The following RNF168 variants were observed in gnomAD, a reference collection of about 807,000 sequenced individuals.
RNF168 encodes ring finger protein 168.
RNF168 carries 34 observed loss-of-function variants against 34.9 expected under a neutral mutation model. That is an observed-to-expected ratio of 0.97 (90% CI 0.74 to 1.30). The LOEUF (loss-of-function observed/expected upper bound fraction) is 1.30, where lower values mean the gene tolerates loss of function less well. RNF168 is among the 50% of genes most tolerant of loss of function. The pLI is 0.00. For missense variants in RNF168, 725 were observed against 682.5 expected (o/e 1.06, Z -0.69); for synonymous variants, 264 against 254.7 (o/e 1.04, Z -0.35).
In RNF168 at chr3:196,487,505, G is replaced by A. The variant is rs1732485787; in HGVS notation, c.452C>T (p.Ala151Val). The change falls in exon 3 of 6, where the codon GCA becomes GTA. Residue 151 changes from alanine (A) to valine (V), a missense_variant. Physicochemically the swap from Ala to Val is moderately conservative, Grantham distance 64. Transcript: ENST00000318037. ...TCTTTTTTCCTCTTCTTCCTCCTCTGCCAACAACCTCTGTATGTATTCTTC... is the reference window on the plus strand; with the variant it reads ...TCTTTTTTCCTCTTCTTCCTCCTCTACCAACAACCTCTGTATGTATTCTTC... ...ASEEYIQRLL[A>V]EEEEEEKRQA... The A allele has an allele frequency of 6.2e-7, 1 of 1,613,592 alleles. No individual in the cohort carries two copies. Among genetic ancestry groups the A allele is most frequent in the Non-Finnish European group, 8.5e-7 (1 of 1,179,872 alleles).
At chr3:196,472,844 C>G in intron 5 of RNF168, 72 bp from the exon 6 acceptor site, 3 of 839,800 alleles carry the variant, frequency 3.6e-6, no homozygotes, top group Non-Finnish European at 6.2e-6. Context: ...TCTAATTACA[C>G]TGATACTACA....
chr3:196,471,821 A>G lies in RNF168; in HGVS notation c.1714T>C (p.Ter572GlnextTer40). Residue 572 changes from the stop codon to glutamine (Q), a stop_lost, in exon 6 of 6, where the codon TAA (stop) becomes CAA (glutamine). Transcript: ENST00000318037. ...VFQMFQRCTK* is the reference protein window; with the variant it reads ...VFQMFQRCTKQ ...CAAAGCACTCCCTTTACCAGGCCTT[A>G]CTTTGTGCATCTCTGAAACATCTGA... is the stretch of plus-strand genomic sequence containing the variant. 1 of 1,599,740 alleles carries G rather than the reference A, an allele frequency of 6.3e-7. No individual in the cohort carries two copies. The highest frequency in any genetic ancestry group is 8.6e-7 in the Non-Finnish European group (1 of 1,166,864).
rs376320330 is a variant in RNF168 at position 196,493,855 on chromosome 3, A to ATTT, written c.302-5175_302-5173dup. The stretch of plus-strand genomic sequence containing the variant: ...GCTATTTCTTTCTTTTTTTAAATTT[A>ATTT]TTTTTTTTTTTTTTTGAGACAGAGT... On this transcript the variant is annotated intron_variant, in intron 1 of 5. Transcript: ENST00000318037. Among the ~76,000 whole-genome samples, 73 of 128,196 alleles carry ATTT rather than the reference A, an allele frequency of 5.7e-4. 1 individual carries two copies. The highest frequency in any genetic ancestry group is 2.2e-3 in the African/African-American group (68 of 30,462). The allele number at this position is 128,196 out of a possible 152,430, so 84.1% of individuals were successfully genotyped here. A position where few individuals can be genotyped will look rare whatever the true frequency, so the allele number is the denominator to read the frequency against.
intron 1 of RNF168, among the ~76,000 whole-genome samples, chr3:196,495,332 C>T (rs1219089379): frequency 6.6e-6 from 1 of 152,118 alleles, no homozygotes; most frequent in Non-Finnish European, 1.5e-5. Flanking sequence ...TGATATATTA[C>T]CCATCATATC....
At chr3:196,493,688 G>C (rs1041419990) in intron 1 of RNF168, among the ~76,000 whole-genome samples, 4 of 151,978 alleles carry the variant, frequency 2.6e-5, no homozygotes, top group African/African-American at 9.7e-5. Context: ...ACCACGCCCA[G>C]CTAATTTTTT....
intron 1 of RNF168, among the ~76,000 whole-genome samples, chr3:196,502,185 T>G (rs1026032570): frequency 1.3e-5 from 2 of 151,406 alleles, no homozygotes; most frequent in African/African-American, 2.4e-5. Context: ...AGGGTTCAGT[T>G]TGGGGCTCCT....
intron 4 of RNF168, among the ~76,000 whole-genome samples, chr3:196,479,698 C>T (rs548683276): frequency 6.6e-6 from 1 of 151,926 alleles, no homozygotes; most frequent in East Asian, 1.9e-4. Context: ...TCAAGCAATT[C>T]TCCTGGCTCA....
rs1732352086 is a variant in RNF168, at chr3:196,483,795, G to A, written c.655C>T (p.Gln219Ter). The change falls in exon 4 of 6, where the codon CAA becomes TAA. Residue 219 changes from glutamine (Q) to a stop codon, truncating the protein, a stop_gained. Coordinates refer to ENST00000318037, the MANE Select transcript of RNF168 (RefSeq NM_152617.4). LOFTEE classifies it high-confidence loss of function. ...PKSEKKSKNK[Q>*]RNTGDIQKYL... ...TTCTGAATATCTCCAGTGTTTCTTT[G>A]TTTGTTCTTACTTTTCTTTTCAGAC... 1 of 1,611,472 alleles carries A rather than the reference G, an allele frequency of 6.2e-7. No individual in the cohort carries two copies. Among genetic ancestry groups the A allele is most frequent in the East Asian group, 2.2e-5 (1 of 44,840 alleles).
At chr3:196,475,008 A>T (rs1732108452) in intron 5 of RNF168, 8 of 513,774 alleles carry the variant, frequency 1.6e-5, no homozygotes, top group African/African-American at 5.8e-5. Context: ...GAAAATATTC[A>T]CTCTCTTAGA....
chr3:196,474,948 C>A (rs1466323763), intron 5 of RNF168: 1 of 412,788 alleles, frequency 2.4e-6, no homozygotes, highest in Non-Finnish European at 4.5e-6. Flanking sequence ...TTTCACACTA[C>A]ACCAGCGTAG....
intron 4 of RNF168, among the ~76,000 whole-genome samples, chr3:196,481,195 G>C (rs1222228572): frequency 1.3e-5 from 2 of 151,860 alleles, no homozygotes; most frequent in Non-Finnish European, 2.9e-5. Context: ...TCCTTTTATT[G>C]TGTTACTGTG....
intron 4 of RNF168, among the ~76,000 whole-genome samples, chr3:196,482,755 G>A (rs145238961): frequency 5.9e-5 from 9 of 152,226 alleles, no homozygotes; most frequent in African/African-American, 2.2e-4. Flanking sequence ...TGGGAAAAAT[G>A]TCTACTCAAG....
At chr3:196,500,618 G>A (rs975801750) in intron 1 of RNF168, among the ~76,000 whole-genome samples, 27 of 152,156 alleles carry the variant, frequency 1.8e-4, no homozygotes, top group African/African-American at 6.3e-4. Context: ...CGATGCCACT[G>A]AACCATACAA....
At position 196,483,797 on chromosome 3, in the gene RNF168, T is replaced by C. The variant is rs1266975707; in HGVS notation, c.653A>G (p.Lys218Arg). The change falls in exon 4 of 6, where the codon AAA becomes AGA. Residue 218 changes from lysine (K) to arginine (R), a missense_variant. By Grantham distance (26) the Lys-to-Arg change is conservative. Coordinates refer to ENST00000318037, the MANE Select transcript of RNF168 (RefSeq NM_152617.4). ...CTGAATATCTCCAGTGTTTCTTTGT[T>C]TGTTCTTACTTTTCTTTTCAGACTT... The part of the protein sequence containing the change: ...TPKSEKKSKN[K>R]QRNTGDIQKY... 6.2e-7 allele frequency: 1 copy of C among 1,612,082 alleles called. No homozygotes were observed. Among genetic ancestry groups the C allele is most frequent in the Admixed American group, 1.7e-5 (1 of 60,028 alleles).
intron 5 of RNF168, among the ~76,000 whole-genome samples, chr3:196,473,009 C>T (rs1732052426): frequency 6.6e-6 from 1 of 152,022 alleles, no homozygotes; most frequent in Admixed American, 6.6e-5. Flanking sequence ...TCAAGTGATT[C>T]TCCTGCCTCA....
chr3:196,475,870 T>C (rs1732136040), intron 4 of RNF168, among the ~76,000 whole-genome samples: 1 of 144,542 alleles, frequency 6.9e-6, no homozygotes, highest in African/African-American at 2.6e-5. Flanking sequence ...TTTTCTTTTC[T>C]TTTTTTTGAG....
chr3:196,499,888 T>G (rs1212047863), intron 1 of RNF168, among the ~76,000 whole-genome samples: 3 of 152,118 alleles, frequency 2.0e-5, no homozygotes, highest in Admixed American at 6.5e-5. Flanking sequence ...AAATGGCCAA[T>G]AAATGCATGC....
At chr3:196,475,397 T>C (rs1471225517) in intron 4 of RNF168, 85 bp from the exon 5 acceptor site, 4 of 802,826 alleles carry the variant, frequency 5.0e-6, no homozygotes, top group East Asian at 2.6e-5. Flanking sequence ...ATACCGAAGG[T>C]TGTCTGGTTT....
In RNF168 at chr3:196,471,708, A is replaced by G. The variant is rs1047557729; in HGVS notation, c.*111T>C. 1.3e-6 allele frequency: 1 copy of G among 781,834 alleles called. No individual in the cohort carries two copies. The highest frequency in any genetic ancestry group is 1.7e-5 in the African/African-American group (1 of 58,940). The allele number at this position is 781,834 out of a possible 1,614,324, so 48.4% of individuals were successfully genotyped here. ...ATCACACAGACCTTCATTAAGGACAATGAGTGTGCCTAGAGAGCAGCATGA... is the reference window on the plus strand; with the variant it reads ...ATCACACAGACCTTCATTAAGGACAGTGAGTGTGCCTAGAGAGCAGCATGA... On this transcript the variant is annotated 3_prime_UTR_variant, in exon 6 of 6. Coordinates refer to ENST00000318037, the MANE Select transcript of RNF168 (RefSeq NM_152617.4).
Sources: gnomAD v4.1 joint callset for allele counts (sites outside exome capture counted in the v4.1 genomes callset) on GRCh38, gnomAD v4.1.1 for gene constraint, MANE v1.5 for transcripts, NCBI Gene and HGNC (gene_info 2026-07-23, HGNC 2026-07-21) for gene names.